IL1RAP: variants seen among roughly 807,000 people sequenced by gnomAD.
IL1RAP encodes interleukin 1 receptor accessory protein, also known as interleukin-1 receptor accessory protein.
In IL1RAP, 35 loss-of-function variants were observed where a neutral mutation model predicts 60.7. That is an observed-to-expected ratio of 0.58 (90% CI 0.44 to 0.76). The LOEUF (loss-of-function observed/expected upper bound fraction) is 0.76. Among genes scored for constraint, IL1RAP ranks in the 30% least tolerant of loss-of-function variants. The probability of loss-of-function intolerance (pLI) is 0.00; values close to 1 mark genes in which losing one functional copy is unlikely to be tolerated. For missense variants in IL1RAP, 572 were observed against 693.9 expected, an observed-to-expected ratio of 0.82 and a Z score of 1.97; for synonymous variants, 268 against 250.9, an observed-to-expected ratio of 1.07 and a Z score of -0.64.
intron 4 of IL1RAP, among the ~76,000 whole-genome samples, chr3:190,606,291 A>G (rs545035849): frequency 6.6e-6 from 1 of 152,290 alleles, no homozygotes; most frequent in South Asian, 2.1e-4. Flanking sequence ...AGACAGAGAA[A>G]CCAGGCCATC....
At chr3:190,526,948 G>A (rs1407992111) in intron 1 of IL1RAP, among the ~76,000 whole-genome samples, 2 of 152,220 alleles carry the variant, frequency 1.3e-5, no homozygotes, top group African/African-American at 4.8e-5. Context: ...CTTATAGGAA[G>A]GAAGGCCAGT....
chr3:190,604,060 G>C (rs914030660), intron 3 of IL1RAP, 68 bp from the exon 4 acceptor site: 4 of 1,466,052 alleles, frequency 2.7e-6, no homozygotes, highest in Middle Eastern at 1.8e-4. Context: ...AGGAGAAGGT[G>C]TGTTCTTTTG....
intron 9 of IL1RAP, among the ~76,000 whole-genome samples, chr3:190,631,780 A>G (rs144556830): frequency 2.6e-5 from 4 of 152,090 alleles, no homozygotes; most frequent in Non-Finnish European, 4.4e-5. Context: ...TGTTTTATTT[A>G]TATTTTATGT....
chr3:190,627,146 A>C (rs1156768485), intron 7 of IL1RAP, among the ~76,000 whole-genome samples, 177 bp from the exon 8 acceptor site: 1 of 152,186 alleles, frequency 6.6e-6, no homozygotes, highest in Non-Finnish European at 1.5e-5. Flanking sequence ...AGAATTACTC[A>C]TAAGCAGGGT....
At chr3:190,593,577 G>A (rs1729124718) in intron 3 of IL1RAP, among the ~76,000 whole-genome samples, 1 of 152,112 alleles carries the variant, frequency 6.6e-6, no homozygotes, top group Non-Finnish European at 1.5e-5. Flanking sequence ...ATGGCAGAAG[G>A]CAAATGAGGA....
At chr3:190,546,029 A>T (rs566987799) in intron 1 of IL1RAP, among the ~76,000 whole-genome samples, 1 of 152,254 alleles carries the variant, frequency 6.6e-6, no homozygotes, top group South Asian at 2.1e-4. Context: ...CGATGCCTGT[A>T]GTCACCTCAC....
At chr3:190,579,115 G>T (rs1727761674) in intron 3 of IL1RAP, among the ~76,000 whole-genome samples, 1 of 152,058 alleles carries the variant, frequency 6.6e-6, no homozygotes, top group South Asian at 2.1e-4. Flanking sequence ...GTTTGTTTTT[G>T]GTTTTGTTTT....
At chr3:190,587,496 G>C (rs1370203495) in intron 3 of IL1RAP, among the ~76,000 whole-genome samples, 1 of 152,228 alleles carries the variant, frequency 6.6e-6, no homozygotes, top group African/African-American at 2.4e-5. Flanking sequence ...GGCAGAATTA[G>C]GACAAGAAAC....
chr3:190,641,453 A>G (rs1733655947), intron 9 of IL1RAP, among the ~76,000 whole-genome samples: 1 of 152,254 alleles, frequency 6.6e-6, no homozygotes, highest in Non-Finnish European at 1.5e-5. Flanking sequence ...TAGAAAATCC[A>G]GCTAGTAGAT....
intron 3 of IL1RAP, among the ~76,000 whole-genome samples, chr3:190,576,066 A>G (rs1727416008): frequency 6.6e-6 from 1 of 152,202 alleles, no homozygotes; most frequent in Admixed American, 6.5e-5. Context: ...TTTTTAGAAA[A>G]AAAAAATAGT....
intron 1 of IL1RAP, among the ~76,000 whole-genome samples, chr3:190,540,892 A>G (rs1475192385): frequency 6.6e-6 from 1 of 152,146 alleles, no homozygotes; most frequent in Non-Finnish European, 1.5e-5. Flanking sequence ...CCCATTACAT[A>G]CGTGTTTTCA....
At chr3:190,624,753 A>T (rs569151249) in intron 7 of IL1RAP, 18 of 190,116 alleles carry the variant, frequency 9.5e-5, no homozygotes, top group African/African-American at 3.5e-4. Flanking sequence ...AGTGGGGAGT[A>T]TGTAGGATAT....
intron 1 of IL1RAP, among the ~76,000 whole-genome samples, chr3:190,549,708 C>T (rs1372646865): frequency 6.7e-6 from 1 of 149,078 alleles, no homozygotes; most frequent in East Asian, 1.9e-4. Flanking sequence ...TGCCTTCTCC[C>T]GAGCCCAATA....
chr3:190,627,496 T>G (rs764916768), intron 8 of IL1RAP, 47 bp downstream of exon 8: 1 of 1,585,336 alleles, frequency 6.3e-7, no homozygotes, highest in South Asian at 1.2e-5. Flanking sequence ...GTTTCTCAAC[T>G]TAATGATCTC....
chr3:190,566,191 T>G (rs538176920), intron 3 of IL1RAP, among the ~76,000 whole-genome samples: 5 of 152,296 alleles, frequency 3.3e-5, no homozygotes, highest in Non-Finnish European at 7.4e-5. Flanking sequence ...TACTGACACA[T>G]AGACACATAG....
intron 3 of IL1RAP, among the ~76,000 whole-genome samples, chr3:190,593,598 G>A (rs747208414): frequency 7.2e-5 from 11 of 152,074 alleles, no homozygotes; most frequent in South Asian, 2.1e-4. Context: ...GCAAAGTCAC[G>A]TCTTACATGT....
At chr3:190,553,247 T>G (rs1725027592) in intron 1 of IL1RAP, among the ~76,000 whole-genome samples, 1 of 152,194 alleles carries the variant, frequency 6.6e-6, no homozygotes, top group South Asian at 2.1e-4. Context: ...CACACCAGAC[T>G]GGCTACAACT....
chr3:190,619,064 T>A (rs1476573597), intron 5 of IL1RAP, among the ~76,000 whole-genome samples: 2 of 152,210 alleles, frequency 1.3e-5, no homozygotes, highest in Non-Finnish European at 2.9e-5. Flanking sequence ...CCCAGAAATT[T>A]AAAGATGTAA....
rs1560151928 is a variant in IL1RAP, at chr3:190,540,882, C to T, written c.-88-15248C>T. Among the ~76,000 whole-genome samples the T allele has an allele frequency of 2.0e-5, 3 of 152,072 alleles. No homozygotes were observed. The South Asian group carries it at 6.2e-4, about 31-fold the overall frequency. On this transcript the variant is annotated intron_variant, in intron 1 of 11. Coordinates refer to ENST00000447382, the MANE Select transcript of IL1RAP (RefSeq NM_002182.4). ...CTCACTCTTTTATGAAGCCAAACAG[C>T]CCATTACATACGTGTTTTCAAGATA...
Sources: gnomAD v4.1 joint callset for allele counts (sites outside exome capture counted in the v4.1 genomes callset) on GRCh38, gnomAD v4.1.1 for gene constraint, MANE v1.5 for transcripts, NCBI Gene and HGNC (gene_info 2026-07-23, HGNC 2026-07-21) for gene names.